TOX: variants seen among roughly 807,000 people sequenced by gnomAD.
TOX encodes thymocyte selection-associated high mobility group box protein TOX.
A neutral mutation model predicts 53.7 loss-of-function variants in TOX; 11 were observed. The observed-to-expected ratio is 0.20, with a 90% CI of 0.13 to 0.34. TOX has a LOEUF of 0.34. Among genes scored for constraint, TOX ranks in the 10% least tolerant of loss-of-function variants. The pLI is 1.00. For missense variants in TOX, 570 were observed against 664.6 expected, an observed-to-expected ratio of 0.86 and a Z score of 1.56; for synonymous variants, 225 against 245.3, an observed-to-expected ratio of 0.92 and a Z score of 0.77.
At chr8:58,997,503 T>C (rs1813582895) in intron 1 of TOX, among the ~76,000 whole-genome samples, 1 of 152,218 alleles carries the variant, frequency 6.6e-6, no homozygotes, top group Admixed American at 6.5e-5. Flanking sequence ...TCCCACCCTG[T>C]GCAAGTGGAA....
chr8:58,851,374 C>A lies in TOX; in HGVS notation c.693+150G>T. ...AATTGGACAAGCAGGTGGTTTAATCCAGTATGTTTGTAACCTCATGCTTCA... is the reference window on the plus strand; with the variant it reads ...AATTGGACAAGCAGGTGGTTTAATCAAGTATGTTTGTAACCTCATGCTTCA... On this transcript the variant is annotated intron_variant, in intron 4 of 8. Transcript: ENST00000361421. The surrounding 1 kb of genome is among the most constrained non-coding windows in gnomAD (Gnocchi z 4.4). The A allele has an allele frequency of 1.2e-6, 1 of 839,054 alleles. No individual in the cohort carries two copies. The highest frequency in any genetic ancestry group is 1.8e-6 in the Non-Finnish European group (1 of 553,840). The allele number at this position is 839,054 out of a possible 1,614,324, so 52.0% of individuals were successfully genotyped here. A position where few individuals can be genotyped will look rare whatever the true frequency, so the allele number is the denominator to read the frequency against.
intron 2 of TOX, among the ~76,000 whole-genome samples, chr8:58,946,413 G>A (rs1479867768): frequency 6.6e-6 from 1 of 152,108 alleles, no homozygotes; most frequent in African/African-American, 2.4e-5. Context: ...GTATTTTTCA[G>A]ATTCTTTTGT....
intron 3 of TOX, among the ~76,000 whole-genome samples, chr8:58,864,901 G>A (rs917041998): frequency 1.3e-5 from 2 of 152,112 alleles, no homozygotes; most frequent in Non-Finnish European, 1.5e-5. Context: ...AGTAGACATC[G>A]TTCGCTTAAA....
At chr8:58,818,634 T>C (rs1202027401) in intron 6 of TOX, among the ~76,000 whole-genome samples, 1 of 147,398 alleles carries the variant, frequency 6.8e-6, no homozygotes, top group Non-Finnish European at 1.5e-5. Flanking sequence ...TGAGCAATCC[T>C]CCAGGCAGCC....
intron 3 of TOX, among the ~76,000 whole-genome samples, chr8:58,878,705 C>A (rs1475983275): frequency 6.6e-6 from 1 of 152,096 alleles, no homozygotes; most frequent in Non-Finnish European, 1.5e-5. Flanking sequence ...GGAAAGAAAC[C>A]TTTGTAAAGG....
chr8:58,914,115 T>C (rs1351227775), intron 3 of TOX, among the ~76,000 whole-genome samples: 1 of 152,240 alleles, frequency 6.6e-6, no homozygotes, highest in Admixed American at 6.5e-5. Context: ...TTCTAAGCAC[T>C]GTGCTGTCAA....
chr8:58,808,344 T>A, intron 7 of TOX, 75 bp from the exon 8 acceptor site: 2 of 1,530,642 alleles, frequency 1.3e-6, no homozygotes, highest in South Asian at 2.6e-5. Context: ...TATTTATTCA[T>A]TCTTTGCAGA....
intron 1 of TOX, among the ~76,000 whole-genome samples, chr8:59,098,918 T>C (rs1804759028): frequency 6.6e-6 from 1 of 152,196 alleles, no homozygotes; most frequent in African/African-American, 2.4e-5. Flanking sequence ...ATGGTTCCGA[T>C]GTGAATTAAA....
chr8:59,029,231 C>T, intron 1 of TOX, among the ~76,000 whole-genome samples: 1 of 151,428 alleles, frequency 6.6e-6, no homozygotes, highest in African/African-American at 2.4e-5. Flanking sequence ...CCACCCACCC[C>T]CCATCCCCAT....
Position 58,994,127 on chromosome 8 carries a change from G to A in TOX, c.103-34119C>T, listed in dbSNP as rs543743093. Among the ~76,000 whole-genome samples, 18 of 152,266 alleles carry A rather than the reference G, an allele frequency of 1.2e-4. No homozygotes were observed. In the South Asian group the frequency reaches 2.9e-3, roughly 25 times the overall value. ...AAATAGCCTTCTTTCTTTGCCAGTCGTTCCGTGAAGACTCATATGAAATGA... is the reference window on the plus strand; with the variant it reads ...AAATAGCCTTCTTTCTTTGCCAGTCATTCCGTGAAGACTCATATGAAATGA... On this transcript the variant is annotated intron_variant, in intron 1 of 8. Coordinates refer to ENST00000361421, the MANE Select transcript of TOX (RefSeq NM_014729.3).
intron 3 of TOX, among the ~76,000 whole-genome samples, chr8:58,871,172 C>CAA (rs36036067): frequency 0.19 from 13,319 of 70,154 alleles, 924 homozygotes; most frequent in Middle Eastern, 0.26. Flanking sequence ...AGAAGCCAGT[C>CAA]AAAAAAAAAA....
At chr8:58,953,477 T>A (rs1433497020) in intron 2 of TOX, among the ~76,000 whole-genome samples, 1 of 152,146 alleles carries the variant, frequency 6.6e-6, no homozygotes, top group African/African-American at 2.4e-5. Context: ...GCTAGAGTAG[T>A]TTAACTTAAT....
intron 1 of TOX, among the ~76,000 whole-genome samples, chr8:58,993,534 G>C (rs1006323447): frequency 9.2e-5 from 14 of 152,142 alleles, no homozygotes; most frequent in Non-Finnish European, 1.5e-5. Flanking sequence ...GATTTCTATG[G>C]AAAAATAATG....
chr8:59,034,162 T>C (rs16924489), intron 1 of TOX, among the ~76,000 whole-genome samples: 10,969 of 152,254 alleles, frequency 0.072, 546 homozygotes, highest in African/African-American at 0.13. Flanking sequence ...CAATTGCTTA[T>C]CCCGTGCAGT....
At chr8:58,971,458 C>T (rs1287712709) in intron 1 of TOX, among the ~76,000 whole-genome samples, 1 of 152,200 alleles carries the variant, frequency 6.6e-6, no homozygotes, top group Non-Finnish European at 1.5e-5. Flanking sequence ...TGTTCTTGCT[C>T]TACGTAATTA....
chr8:58,978,295 T>C (rs1813141556), intron 1 of TOX, among the ~76,000 whole-genome samples: 1 of 152,146 alleles, frequency 6.6e-6, no homozygotes, highest in Non-Finnish European at 1.5e-5. Flanking sequence ...TCAGTCTGCA[T>C]GGAATTAGAA....
chr8:58,978,847 T>C (rs1230577513), intron 1 of TOX, among the ~76,000 whole-genome samples: 1 of 152,224 alleles, frequency 6.6e-6, no homozygotes, highest in Non-Finnish European at 1.5e-5. Flanking sequence ...TGTAGTGTCA[T>C]ACAGAAAAGG....
intron 3 of TOX, among the ~76,000 whole-genome samples, chr8:58,924,704 G>A (rs1447721377): frequency 2.0e-5 from 3 of 152,148 alleles, no homozygotes; most frequent in Non-Finnish European, 2.9e-5. Flanking sequence ...TGTGATCCAC[G>A]ATTCAGAGTT....
chr8:59,016,658 T>C (rs983132977), intron 1 of TOX, among the ~76,000 whole-genome samples: 2 of 152,222 alleles, frequency 1.3e-5, no homozygotes, highest in Non-Finnish European at 2.9e-5. Flanking sequence ...CTTGGTTCTC[T>C]TTCTGCATTT....
Sources: allele counts gnomAD v4.1 joint callset (sites outside exome capture counted in the v4.1 genomes callset), GRCh38; gene constraint gnomAD v4.1.1; non-coding constraint Gnocchi (gnomAD v3.1); transcripts MANE v1.5; gene names NCBI Gene and HGNC (gene_info 2026-07-23, HGNC 2026-07-21).